Variants in TLN2 observed in about 807,000 individuals in gnomAD.
TLN2 encodes talin-2.
A neutral mutation model predicts 294.7 loss-of-function variants in TLN2; 118 were observed. The observed-to-expected ratio is 0.40, with a 90% confidence interval of 0.34 to 0.47. The LOEUF (loss-of-function observed/expected upper bound fraction) is 0.47. TLN2 is among the 20% of genes least tolerant of loss of function. TLN2 has a pLI of 0.84. For synonymous variants in TLN2, 1,431 were observed against 1,304.5 expected (o/e 1.10, Z -2.09); for missense variants, 3,083 against 3,282.2 (o/e 0.94, Z 1.48).
At chr15:62,626,043 T>C (rs1285500198) in intron 3 of TLN2, among the ~76,000 whole-genome samples, 1 of 152,172 alleles carries the variant, frequency 6.6e-6, no homozygotes, top group Non-Finnish European at 1.5e-5. Context: ...AGTCTTCCTA[T>C]ACCCTTGACT....
At chr15:62,795,800 A>T (rs1190041914) in intron 46 of TLN2, among the ~76,000 whole-genome samples, 2 of 152,206 alleles carry the variant, frequency 1.3e-5, no homozygotes, top group Non-Finnish European at 2.9e-5. Context: ...CTGAGTACTT[A>T]CTATGTGCCA....
At chr15:62,470,279 A>C (rs2037391379) in intron 1 of TLN2, among the ~76,000 whole-genome samples, 1 of 152,204 alleles carries the variant, frequency 6.6e-6, no homozygotes, top group African/African-American at 2.4e-5. Flanking sequence ...TAGCTCTTTG[A>C]TGTTTAACCC....
chr15:62,503,423 C>G (rs1853256291), intron 1 of TLN2, among the ~76,000 whole-genome samples: 1 of 152,200 alleles, frequency 6.6e-6, no homozygotes, highest in South Asian at 2.1e-4. Flanking sequence ...ACTTTTAGCA[C>G]TGATTTCTCC....
At chr15:62,446,233 C>G (rs868519220) in intron 1 of TLN2, among the ~76,000 whole-genome samples, 2 of 151,560 alleles carry the variant, frequency 1.3e-5, no homozygotes, top group Middle Eastern at 3.6e-3. Context: ...CTCCTGACCT[C>G]GTCATCCGCC....
intron 1 of TLN2, among the ~76,000 whole-genome samples, chr15:62,522,978 A>G (rs998651011): frequency 9.2e-6 from 1 of 109,160 alleles, no homozygotes; most frequent in Non-Finnish European, 1.7e-5. Context: ...ACACACACAC[A>G]CTCTCTCACT....
At chr15:62,622,919 C>G (rs536976315) in intron 3 of TLN2, among the ~76,000 whole-genome samples, 2 of 152,320 alleles carry the variant, frequency 1.3e-5, no homozygotes, top group East Asian at 3.9e-4. Context: ...ACTGCCCAGA[C>G]CAATTGCTCA....
rs749890833 is a variant in TLN2, at chr15:62,755,605, A to G, written c.4550A>G (p.Lys1517Arg). Residue 1517 changes from lysine to arginine, a missense_variant, in exon 37 of 59, where the codon AAG becomes AGG. By Grantham distance (26) the Lys-to-Arg change is conservative. Transcript: ENST00000636159. ...AATGCCTGCCGCATCGCCTCATCCA[A>G]GACGGCCAACCCAGTAGCCAAGAGG... ...LCNACRIASS[K>R]TANPVAKRHF... The G allele has an allele frequency of 2.8e-5, 45 of 1,614,118 alleles. No individual in the cohort carries two copies. The highest frequency in any genetic ancestry group is 9.9e-5 in the South Asian group (9 of 91,088).
chr15:62,518,902 A>T (rs931747801), intron 1 of TLN2, among the ~76,000 whole-genome samples: 2 of 152,114 alleles, frequency 1.3e-5, no homozygotes, highest in Non-Finnish European at 2.9e-5. Flanking sequence ...CCGGCTTGCA[A>T]TGTCTTTTTT....
intron 16 of TLN2, among the ~76,000 whole-genome samples, chr15:62,700,071 T>C (rs1567392208): frequency 6.6e-6 from 1 of 152,238 alleles, no homozygotes; most frequent in Non-Finnish European, 1.5e-5. Context: ...AGGTTGCTGG[T>C]AAACTCAGCG....
intron 2 of TLN2, among the ~76,000 whole-genome samples, chr15:62,593,980 A>T (rs1408898658): frequency 2.0e-5 from 3 of 152,362 alleles, no homozygotes; most frequent in East Asian, 3.9e-4. Context: ...ATGGATAAAA[A>T]TAAGAAACAT....
intron 21 of TLN2, among the ~76,000 whole-genome samples, chr15:62,709,712 A>G (rs1375766913): frequency 7.0e-6 from 1 of 142,660 alleles, no homozygotes; most frequent in Non-Finnish European, 1.5e-5. Context: ...TATATATCTT[A>G]AAGACTTTTT....
In TLN2 at chr15:62,504,818, G is replaced by GGTGTGTGTGTGT. The variant is rs377405417; in HGVS notation, c.-237-84851_-237-84840dup. Among the ~76,000 whole-genome samples the GGTGTGTGTGTGT allele has an allele frequency of 3.6e-3, 523 of 143,544 alleles. 13 individuals are homozygous for GGTGTGTGTGTGT. In the East Asian group the frequency reaches 0.069, roughly 19 times the overall value. 94.2% of individuals were successfully genotyped at this position (143,544 alleles called of 152,430 possible). ...AAGGGTAACAGAAAGTAGTTGGTGGGGTGTGTGTGTGTGTGTGTGTGTGTG... is the reference window on the plus strand; with the variant it reads ...AAGGGTAACAGAAAGTAGTTGGTGGGGTGTGTGTGTGTGTGTGTGTGTGTGTGTGTGTGTGTG... On this transcript the variant is annotated intron_variant, in intron 1 of 58. Coordinates refer to ENST00000636159, the MANE Select transcript of TLN2 (RefSeq NM_015059.3).
At chr15:62,601,223 G>C (rs375898711) in intron 2 of TLN2, among the ~76,000 whole-genome samples, 7 of 152,298 alleles carry the variant, frequency 4.6e-5, no homozygotes, top group African/African-American at 1.7e-4. Context: ...ATGCTACTGA[G>C]ATTGAGTGGG....
At chr15:62,467,461 G>A (rs373608272) in intron 1 of TLN2, among the ~76,000 whole-genome samples, 4 of 152,180 alleles carry the variant, frequency 2.6e-5, no homozygotes, top group Non-Finnish European at 5.9e-5. Context: ...GGGAGGTCGA[G>A]GTGGGTGGAT....
chr15:62,788,982 C>G (rs949815445), intron 45 of TLN2, among the ~76,000 whole-genome samples: 4 of 152,182 alleles, frequency 2.6e-5, no homozygotes, highest in African/African-American at 9.7e-5. Flanking sequence ...GAAGGCAGAG[C>G]TGGATGAAGG....
chr15:62,430,871 A>G (rs918075694), intron 1 of TLN2, among the ~76,000 whole-genome samples: 5 of 151,326 alleles, frequency 3.3e-5, no homozygotes, highest in Admixed American at 1.3e-4. Flanking sequence ...GGAGAGATCA[A>G]TTTGGTCTAG....
rs546722483 is a variant in TLN2 at position 62,739,234 on chromosome 15, C to A, written c.3688-114C>A. 13 of 1,192,706 alleles carry A rather than the reference C, an allele frequency of 1.1e-5. 1 individual carries two copies. The highest frequency in any genetic ancestry group is 2.9e-4 in the Middle Eastern group (1 of 3,430). The allele number at this position is 1,192,706 out of a possible 1,614,324, so 73.9% of individuals were successfully genotyped here. On this transcript the variant is annotated intron_variant, in intron 30 of 58. Transcript: ENST00000636159. The stretch of plus-strand genomic sequence containing the variant: ...CTCAGATGACTCAGAGCCTTTTAAT[C>A]GTGATGACTCAAATGCATCTCTGAA...
chr15:62,608,554 C>G (rs1444334011), intron 2 of TLN2, among the ~76,000 whole-genome samples: 1 of 152,114 alleles, frequency 6.6e-6, no homozygotes, highest in African/African-American at 2.4e-5. Flanking sequence ...TAGGAGTTAA[C>G]ATTGGTGTCA....
In TLN2 at chr15:62,415,437, G is replaced by A. The variant is rs758984046; in HGVS notation, c.-238+24752G>A. ...CTGCTGCTGAAAGGACTTTTTCATT[G>A]TAACAGTTGAAACAGAGCTCTCTGT... is the stretch of plus-strand genomic sequence containing the variant. On this transcript the variant is annotated intron_variant, in intron 1 of 58. Transcript: ENST00000636159. Among the ~76,000 whole-genome samples, 6 of 142,622 alleles carry A rather than the reference G, an allele frequency of 4.2e-5. 2 individuals carry two copies. The Admixed American group carries it at 4.5e-4, about 11-fold the overall frequency. 93.6% of individuals were successfully genotyped at this position (142,622 alleles called of 152,430 possible). A position where few individuals can be genotyped will look rare whatever the true frequency, so the allele number is the denominator to read the frequency against.
Sources: allele counts gnomAD v4.1 joint callset (sites outside exome capture counted in the v4.1 genomes callset), GRCh38; gene constraint gnomAD v4.1.1; transcripts MANE v1.5; gene names NCBI Gene and HGNC (gene_info 2026-07-23, HGNC 2026-07-21).